GRM7: variants seen among roughly 807,000 people sequenced by gnomAD.
GRM7 encodes the protein metabotropic glutamate receptor 7.
A neutral mutation model predicts 84.5 loss-of-function variants in GRM7; 35 were observed. The ratio of observed to expected loss-of-function variants is 0.41; its 90% CI spans 0.32 to 0.55. The LOEUF is 0.55. Ranked by LOEUF, GRM7 falls within the 20% of genes least tolerant of loss-of-function variation. The pLI is 0.19. For synonymous variants in GRM7, 487 were observed against 455.1 expected (o/e 1.07, Z -0.89); for missense variants, 1,003 against 1,194.6 (o/e 0.84, Z 2.36).
At chr3:7,293,279 T>G (rs1298871436) in intron 2 of GRM7, among the ~76,000 whole-genome samples, 1 of 152,148 alleles carries the variant, frequency 6.6e-6, no homozygotes, top group East Asian at 1.9e-4. Context: ...ATTCCTGAGA[T>G]TCTTCTTGTT....
chr3:7,278,169 T>G (rs1249725118), intron 2 of GRM7, among the ~76,000 whole-genome samples: 2 of 152,036 alleles, frequency 1.3e-5, no homozygotes, highest in Admixed American at 1.3e-4. Context: ...TAAGATATAC[T>G]CAAAACTATA....
chr3:6,901,337 C>T (rs796931624), intron 1 of GRM7, among the ~76,000 whole-genome samples: 9 of 152,184 alleles, frequency 5.9e-5, no homozygotes, highest in East Asian at 1.9e-4. Context: ...CAGTGGCTCA[C>T]GCCTGTAATC....
chr3:6,990,895 G>A (rs540978806), intron 1 of GRM7, among the ~76,000 whole-genome samples: 1 of 152,040 alleles, frequency 6.6e-6, no homozygotes, highest in Non-Finnish European at 1.5e-5. Context: ...TGTTCCTGTG[G>A]CCCAGGACTG....
At chr3:7,013,075 C>T (rs1427575914) in intron 1 of GRM7, among the ~76,000 whole-genome samples, 2 of 151,752 alleles carry the variant, frequency 1.3e-5, no homozygotes, top group African/African-American at 2.4e-5. Flanking sequence ...CATTAGACCA[C>T]ACCTCTTTTG....
chr3:7,049,795 G>T (rs1398080767), intron 1 of GRM7, among the ~76,000 whole-genome samples: 1 of 151,788 alleles, frequency 6.6e-6, no homozygotes, highest in Non-Finnish European at 1.5e-5. Flanking sequence ...AGTTAGTTAG[G>T]GATGGATGGG....
intron 1 of GRM7, among the ~76,000 whole-genome samples, chr3:7,024,898 C>A (rs765050482): frequency 1.3e-5 from 2 of 152,180 alleles, no homozygotes; most frequent in Non-Finnish European, 2.9e-5. Flanking sequence ...ACCTTAGTGG[C>A]TTAAAACGAT....
intron 9 of GRM7, among the ~76,000 whole-genome samples, chr3:7,713,114 A>ATTTTTTTTTTTTTTTTTTTTTTT (rs1165234212): frequency 7.7e-6 from 1 of 129,854 alleles, no homozygotes; most frequent in Non-Finnish European, 1.6e-5. Context: ...GAGGATTCGA[A>ATTTTTTTTTTTTTTTTTTTTTTT]TTTTGTTTTG....
At chr3:7,185,188 CA>C (rs1041036907) in intron 2 of GRM7, among the ~76,000 whole-genome samples, 1 of 151,936 alleles carries the variant, frequency 6.6e-6, no homozygotes, top group African/African-American at 2.4e-5. Flanking sequence ...TATATGAGGG[CA>C]AAAAAAGCAG....
chr3:7,725,928 A>C (rs1702109557), intron 9 of GRM7, among the ~76,000 whole-genome samples: 1 of 152,214 alleles, frequency 6.6e-6, no homozygotes, highest in African/African-American at 2.4e-5. Context: ...TAGGGGGAGA[A>C]GTCTCTCATA....
chr3:7,018,135 AT>A (rs1188534070), intron 1 of GRM7, among the ~76,000 whole-genome samples: 2 of 152,234 alleles, frequency 1.3e-5, no homozygotes, highest in Non-Finnish European at 2.9e-5. Flanking sequence ...AGTACATTTT[AT>A]TTGAATATAT....
intron 8 of GRM7, among the ~76,000 whole-genome samples, chr3:7,617,699 G>A (rs375402594): frequency 1.3e-5 from 2 of 152,188 alleles, no homozygotes; most frequent in Admixed American, 6.5e-5. Context: ...AATTGATATA[G>A]CCTTATGAAT....
At chr3:7,040,363 C>T (rs1245308814) in intron 1 of GRM7, among the ~76,000 whole-genome samples, 2 of 151,816 alleles carry the variant, frequency 1.3e-5, no homozygotes, top group Non-Finnish European at 2.9e-5. Context: ...GGTGCAGTGG[C>T]ACGATCTCCA....
chr3:7,182,711 T>C (rs1695381022), intron 2 of GRM7, among the ~76,000 whole-genome samples: 3 of 152,154 alleles, frequency 2.0e-5, no homozygotes, highest in African/African-American at 7.2e-5. Context: ...ATCTCACCAA[T>C]AGTAAGAAGC....
chr3:7,442,853 G>A (rs957185352), intron 5 of GRM7, among the ~76,000 whole-genome samples: 4 of 152,100 alleles, frequency 2.6e-5, no homozygotes, highest in Non-Finnish European at 5.9e-5. Flanking sequence ...CTGACAACAT[G>A]TTGTATAATT....
intron 4 of GRM7, among the ~76,000 whole-genome samples, chr3:7,338,135 CACACACA>C (rs1232995641): frequency 4.6e-5 from 7 of 151,238 alleles, no homozygotes; most frequent in African/African-American, 1.7e-4. Context: ...CACACACACA[CACACACA>C]CCCCATGGAA....
At chr3:7,033,130 A>G (rs1410144893) in intron 1 of GRM7, among the ~76,000 whole-genome samples, 1 of 152,056 alleles carries the variant, frequency 6.6e-6, no homozygotes, top group Non-Finnish European at 1.5e-5. Flanking sequence ...TTGTAAATGC[A>G]TCGCTCCAAT....
chr3:7,661,033 G>A (rs1301658261), intron 8 of GRM7, among the ~76,000 whole-genome samples: 2 of 152,138 alleles, frequency 1.3e-5, no homozygotes, highest in South Asian at 2.1e-4. Context: ...GAAAATCTTC[G>A]TGACACTGGG....
At chr3:7,545,001 C>T (rs1393274573) in intron 7 of GRM7, among the ~76,000 whole-genome samples, 1 of 152,162 alleles carries the variant, frequency 6.6e-6, no homozygotes, top group Non-Finnish European at 1.5e-5. Context: ...AAATATGTAT[C>T]TTGTTTGAAC....
rs2125063680 is a variant in GRM7, at chr3:7,591,608, C to T, written c.2451+12251C>T. On this transcript the variant is annotated intron_variant, in intron 8 of 9. Coordinates refer to ENST00000357716, the MANE Select transcript of GRM7 (RefSeq NM_000844.4). ...TGTTCACGAGAATGTAAGTAGCTAA[C>T]AAAAGGGAGGTGACAGTGCATTATA... The T allele has an allele frequency of 3.1e-5, 11 of 353,208 alleles. 1 individual carries two copies. Among genetic ancestry groups the T allele is most frequent in the South Asian group, 2.5e-4 (11 of 44,372 alleles). 21.9% of individuals were successfully genotyped at this position (353,208 alleles called of 1,614,324 possible). A position where few individuals can be genotyped will look rare whatever the true frequency, so the allele number is the denominator to read the frequency against.
Sources: allele counts gnomAD v4.1 joint callset (sites outside exome capture counted in the v4.1 genomes callset), GRCh38; gene constraint gnomAD v4.1.1; transcripts MANE v1.5; gene names NCBI Gene and HGNC (gene_info 2026-07-23, HGNC 2026-07-21).